The following ITIH5 variants were observed in gnomAD, a reference collection of about 807,000 sequenced individuals.
ITIH5 encodes inter-alpha-trypsin inhibitor heavy chain 5.
In ITIH5, 65 loss-of-function variants were observed where a neutral mutation model predicts 77.5. That is an observed-to-expected ratio of 0.84 (90% CI 0.69 to 1.03). The LOEUF is 1.03. Among genes scored for constraint, ITIH5 ranks in the 50% least tolerant of loss-of-function variants. The pLI is 0.00. For missense variants in ITIH5, 1,208 were observed against 1,213.1 expected (o/e 1.00, Z 0.06); for synonymous variants, 525 against 494.3 (o/e 1.06, Z -0.82).
intron 5 of ITIH5, chr10:7,621,535 T>C (rs745415272): frequency 6.6e-6 from 1 of 152,186 alleles, no homozygotes; most frequent in Non-Finnish European, 1.5e-5. Flanking sequence ...CTCAGTTTGG[T>C]TACTCACCAA....
At chr10:7,611,913 A>ATTTTTTTT (rs55973419) in intron 7 of ITIH5, among the ~76,000 whole-genome samples, 1 of 141,532 alleles carries the variant, frequency 7.1e-6, no homozygotes, top group Non-Finnish European at 1.5e-5. Flanking sequence ...TCCACCTGCA[A>ATTTTTTTT]TTTTTTTTTT....
At chr10:7,572,549 G>C (rs1832322442) in intron 11 of ITIH5, 1 of 1,129,284 alleles carries the variant, frequency 8.9e-7, no homozygotes, top group South Asian at 1.6e-5. Flanking sequence ...ATGAGGGTCA[G>C]AATGTGCCTC....
chr10:7,665,939 C>T (rs1199080432), intron 1 of ITIH5, among the ~76,000 whole-genome samples: 1 of 152,200 alleles, frequency 6.6e-6, no homozygotes, highest in Non-Finnish European at 1.5e-5. Context: ...GGCAGTTGGG[C>T]TTCAAAACTG....
At chr10:7,611,667 G>T (rs1230273763) in intron 7 of ITIH5, among the ~76,000 whole-genome samples, 1 of 151,920 alleles carries the variant, frequency 6.6e-6, no homozygotes, top group Non-Finnish European at 1.5e-5. Flanking sequence ...TCTTATATAG[G>T]ATTAATTTTC....
chr10:7,625,570 G>A (rs1472410653), intron 5 of ITIH5, among the ~76,000 whole-genome samples: 1 of 152,048 alleles, frequency 6.6e-6, no homozygotes, highest in Non-Finnish European at 1.5e-5. Context: ...TTCGAGATCG[G>A]CCTGGCCAAC....
chr10:7,593,181 A>G (rs1832828604), intron 7 of ITIH5, among the ~76,000 whole-genome samples: 1 of 152,050 alleles, frequency 6.6e-6, no homozygotes, highest in Non-Finnish European at 1.5e-5. Context: ...CAGCAGCTAC[A>G]GGCTCCTTAT....
At chr10:7,649,120 CGAA>C (rs1245474835) in intron 2 of ITIH5, among the ~76,000 whole-genome samples, 1 of 152,046 alleles carries the variant, frequency 6.6e-6, no homozygotes, top group African/African-American at 2.4e-5. Context: ...ATTGTAAACA[CGAA>C]GAACAGAAGC....
intron 13 of ITIH5, among the ~76,000 whole-genome samples, chr10:7,565,444 T>C (rs1386816622): frequency 6.6e-6 from 1 of 150,640 alleles, no homozygotes; most frequent in Non-Finnish European, 1.5e-5. Flanking sequence ...ACATAGACTG[T>C]GTATATATAC....
At chr10:7,586,642 C>T (rs912895676) in intron 7 of ITIH5, among the ~76,000 whole-genome samples, 1 of 152,128 alleles carries the variant, frequency 6.6e-6, no homozygotes, top group East Asian at 1.9e-4. Context: ...AGGTGCTAGA[C>T]AAAGGTGAGG....
intron 5 of ITIH5, among the ~76,000 whole-genome samples, chr10:7,634,858 C>A (rs913220864): frequency 6.6e-6 from 1 of 152,186 alleles, no homozygotes; most frequent in African/African-American, 2.4e-5. Flanking sequence ...GAAAATACTT[C>A]TTTCCCACAG....
intron 7 of ITIH5, 58 bp from the exon 8 acceptor site, chr10:7,586,127 CT>C: frequency 6.7e-7 from 1 of 1,497,510 alleles, no homozygotes; most frequent in Non-Finnish European, 8.9e-7. Flanking sequence ...CACTTGTCCC[CT>C]GTTCTAGAAA....
rs1168831588 is a variant in ITIH5, at chr10:7,569,816, G to GA, written c.2033-33dup. On this transcript the variant is annotated intron_variant, in intron 11 of 13. Transcript: ENST00000397146. ...GAGCAGAAGAAAACGGAGAGAAAAA[G>GA]AAAGACACTTATTCAGTACCTTCCT... 5.1e-6 allele frequency: 7 copies of GA among 1,367,560 alleles called. No individual in the cohort carries two copies. The East Asian group carries it at 1.6e-4, about 32-fold the overall frequency. 84.7% of individuals were successfully genotyped at this position (1,367,560 alleles called of 1,614,324 possible).
chr10:7,586,302 C>T (rs1179864444), intron 7 of ITIH5, among the ~76,000 whole-genome samples: 1 of 152,152 alleles, frequency 6.6e-6, no homozygotes, highest in Non-Finnish European at 1.5e-5. Context: ...CCGCATCCCG[C>T]CACGGTACTT....
intron 5 of ITIH5, among the ~76,000 whole-genome samples, chr10:7,632,585 T>G (rs1175439641): frequency 6.6e-6 from 1 of 152,178 alleles, no homozygotes; most frequent in Non-Finnish European, 1.5e-5. Context: ...AACTAAAAAT[T>G]TTTTAATCAC....
intron 5 of ITIH5, among the ~76,000 whole-genome samples, chr10:7,629,395 A>ATGTTGCAGCGTGTGTCCG (rs1564269869): frequency 2.2e-4 from 14 of 64,188 alleles, no homozygotes; most frequent in African/African-American, 8.3e-4. Context: ...GCGTGTGTCC[A>ATGTTGCAGCGTGTGTCCG]TGTTGTAGAG....
At chr10:7,631,126 C>T (rs72779170) in intron 5 of ITIH5, among the ~76,000 whole-genome samples, 7 of 152,202 alleles carry the variant, frequency 4.6e-5, no homozygotes, top group African/African-American at 1.2e-4. Context: ...GTCTAGACCC[C>T]AAACTTTATT....
chr10:7,592,962 T>A (rs1298758590), intron 7 of ITIH5, among the ~76,000 whole-genome samples: 1 of 151,506 alleles, frequency 6.6e-6, no homozygotes, highest in Non-Finnish European at 1.5e-5. Context: ...GGGCCCAGAG[T>A]GGTCAGGCTG....
At chr10:7,618,529 C>T (rs866824813) in intron 5 of ITIH5, 1 of 152,026 alleles carries the variant, frequency 6.6e-6, no homozygotes, top group African/African-American at 2.4e-5. Flanking sequence ...CAATAAAACC[C>T]CAAAAGATGA....
intron 7 of ITIH5, among the ~76,000 whole-genome samples, chr10:7,606,797 C>A (rs141913048): frequency 2.0e-5 from 3 of 152,140 alleles, no homozygotes; most frequent in Admixed American, 2.0e-4. Flanking sequence ...ATACTTCATC[C>A]GGGTAAATCT....
Sources: allele counts gnomAD v4.1 joint callset (sites outside exome capture counted in the v4.1 genomes callset), GRCh38; gene constraint gnomAD v4.1.1; transcripts MANE v1.5; gene names NCBI Gene and HGNC (gene_info 2026-07-23, HGNC 2026-07-21).